Variants in USP51 observed in about 807,000 individuals in gnomAD.
USP51 encodes ubiquitin carboxyl-terminal hydrolase 51.
In USP51, 5 loss-of-function variants were observed where a neutral mutation model predicts 17.6. The observed-to-expected ratio is 0.28, with a 90% CI of 0.15 to 0.60. The LOEUF (loss-of-function observed/expected upper bound fraction) is 0.60. Among genes scored for constraint, USP51 ranks in the 20% least tolerant of loss-of-function variants. The pLI, the probability that USP51 is intolerant of heterozygous loss-of-function variation, is 0.88. For missense variants in USP51, 459 were observed against 559.5 expected, an observed-to-expected ratio of 0.82 and a Z score of 1.81; for synonymous variants, 248 against 216.1, an observed-to-expected ratio of 1.15 and a Z score of -1.29.
rs765719159 is a variant in USP51 at position 55,486,771 on chromosome X, T to C, written c.*33A>G. The C allele has an allele frequency of 2.6e-6, 3 of 1,155,412 alleles. No individual in the cohort carries two copies. In the South Asian group the frequency reaches 6.3e-5, roughly 24 times the overall value. ...TCACTTCAAAATCCTTGCCTAATCA[T>C]TTACTTTTTTTTCAGTAAGTGGTCT... On this transcript the variant is annotated 3_prime_UTR_variant, in exon 3 of 3. Coordinates refer to ENST00000500968, the MANE Select transcript of USP51 (RefSeq NM_201286.4).
At chrX:55,489,061 C>T in intron 2 of USP51, 73 bp from the exon 3 acceptor site, 2 of 959,666 alleles carry the variant, frequency 2.1e-6, no homozygotes, top group South Asian at 2.5e-5. Flanking sequence ...GCAGTTAGCG[C>T]CCCCAGGACC....
rs1294719242 is a variant in USP51, at chrX:55,486,331, T to A, written c.*473A>T. ...ATCTTAAAAATGATTTTTTCCTTTT[T>A]AAATGTTTTTCTTTTAAAGCTCTTT... On this transcript the variant is annotated 3_prime_UTR_variant, in exon 3 of 3. Coordinates refer to ENST00000500968, the MANE Select transcript of USP51 (RefSeq NM_201286.4). 1 of 112,999 alleles carries A rather than the reference T, an allele frequency of 8.8e-6. No homozygotes were observed. Among genetic ancestry groups the A allele is most frequent in the African/African-American group, 3.2e-5 (1 of 31,094 alleles). 9.3% of individuals were successfully genotyped at this position (112,999 alleles called of 1,213,427 possible).
Position 55,487,408 on chromosome X carries a change from C to T in USP51, c.1532G>A (p.Cys511Tyr), listed in dbSNP as rs1462647337. 2.5e-6 allele frequency: 3 copies of T among 1,210,209 alleles called. No homozygotes were observed. The highest frequency in any genetic ancestry group is 3.4e-6 in the Non-Finnish European group (3 of 895,365). The change falls in exon 3 of 3, where the codon TGC becomes TAC. Residue 511 changes from cysteine (C) to tyrosine (Y), a missense_variant. Physicochemically the swap from Cys to Tyr is radical, Grantham distance 194. This residue lies in a region of USP51 where 227 missense variants were observed against 365.5 expected (regional missense o/e 0.62). Transcript: ENST00000500968. Reference protein sequence around the residue: ...CHSVSTTIDPCWDISLDLPGS... With the variant: ...CHSVSTTIDPYWDISLDLPGS... ...AGGCAAGTCCAAACTGATGTCCCAG[C>T]ATGGGTCTATGGTGGTAGAAACACT...
Position 55,486,978 on chromosome X carries a change from C to T in USP51, c.1962G>A (p.Val654=). The part of the protein sequence containing the change: ...PNENKYSLFA[V]INHHGTLESG... Reference sequence around the variant, plus strand: ...TTTCCAAAGTTCCATGGTGATTAATCACTGCAAACAAGGAATACTTATTCT... The same window carrying T: ...TTTCCAAAGTTCCATGGTGATTAATTACTGCAAACAAGGAATACTTATTCT... The change falls in exon 3 of 3, where the codon GTG becomes GTA. Residue 654 remains valine (V), a synonymous_variant. Transcript: ENST00000500968. 8.3e-7 allele frequency: 1 copy of T among 1,211,668 alleles called. No individual in the cohort carries two copies. The highest frequency in any genetic ancestry group is 1.1e-6 in the Non-Finnish European group (1 of 895,537).
chrX:55,488,331 T>C lies in USP51; in HGVS notation c.609A>G (p.Val203=). 1 of 1,211,943 alleles carries C rather than the reference T, an allele frequency of 8.3e-7. No individual in the cohort carries two copies. Among genetic ancestry groups the C allele is most frequent in the Non-Finnish European group, 1.1e-6 (1 of 895,443 alleles). ...TGCSHVESFK[V]GKNWQKNLRL... is the part of the protein sequence containing the mutation. ...TCAGGTTCTTCTGCCAGTTCTTACC[T>C]ACTTTAAAGCTCTCCACATGAGAGC... is the stretch of plus-strand genomic sequence containing the variant. Residue 203 remains valine (V), a synonymous_variant, in exon 3 of 3, where the codon GTA becomes GTG. Transcript: ENST00000500968.
Position 55,488,396 on chromosome X carries a change from A to G in USP51, c.544T>C (p.Trp182Arg). ...GSGDPGGLGD[W>R]LLEVEFGQGP... ...TGACCAAACTCGACCTCCAGCAACC[A>G]GTCCCCTAAGCCGCCAGGATCCCCC... The change falls in exon 3 of 3, where the codon TGG becomes CGG. Residue 182 changes from tryptophan (W) to arginine (R), a missense_variant. Trp to Arg is a moderately radical substitution (Grantham distance 101). Coordinates refer to ENST00000500968, the MANE Select transcript of USP51 (RefSeq NM_201286.4). 4 of 1,211,483 alleles carry G rather than the reference A, an allele frequency of 3.3e-6. No homozygotes were observed. Among genetic ancestry groups the G allele is most frequent in the Non-Finnish European group, 3.4e-6 (3 of 895,224 alleles).
Position 55,487,147 on chromosome X carries a change from C to T in USP51, c.1793G>A (p.Arg598Gln), listed in dbSNP as rs1170212019. ...CCTCTGTTTGCCTACATGCTCAAAC[C>T]GCTTGAGATGAAAACAAGCCACAAT... The part of the protein sequence containing the change: ...LPIVACFHLK[R>Q]FEHVGKQRRK... The change falls in exon 3 of 3, where the codon CGG becomes CAG. Residue 598 changes from arginine to glutamine, a missense_variant. By Grantham distance (43) the Arg-to-Gln change is conservative. This residue lies in a region of USP51 where 227 missense variants were observed against 365.5 expected (regional missense o/e 0.62). Coordinates refer to ENST00000500968, the MANE Select transcript of USP51 (RefSeq NM_201286.4). The T allele has an allele frequency of 8.3e-7, 1 of 1,211,666 alleles. No homozygotes were observed.
chrX:55,488,550 G>C lies in USP51; in HGVS notation c.390C>G (p.Pro130=). The C allele has an allele frequency of 9.9e-7, 1 of 1,013,942 alleles. No individual in the cohort carries two copies. Among genetic ancestry groups the C allele is most frequent in the Non-Finnish European group, 1.2e-6 (1 of 802,038 alleles). 83.6% of individuals were successfully genotyped at this position (1,013,942 alleles called of 1,213,427 possible). A position where few individuals can be genotyped will look rare whatever the true frequency, so the allele number is the denominator to read the frequency against. The change falls in exon 3 of 3, where the codon CCC becomes CCG. Residue 130 remains proline (P), a synonymous_variant. Transcript: ENST00000500968. ...LSAPPPPPAR[P]PPPPPPPPPP... Reference sequence around the variant, plus strand: ...GGGGCGGGGGTGGCGGCGGGGGCGGGGGCCGGGCTGGAGGCGGGGGTGGGG... The same window carrying C: ...GGGGCGGGGGTGGCGGCGGGGGCGGCGGCCGGGCTGGAGGCGGGGGTGGGG...
Position 55,488,538 on chromosome X carries a change from CGGCGGGGGCGGG to C in USP51, c.390_401del (p.Pro137_Pro140del). 3.0e-6 allele frequency: 2 copies of C among 674,094 alleles called. No homozygotes were observed. The highest frequency in any genetic ancestry group is 1.9e-6 in the Non-Finnish European group (1 of 526,643). The allele number at this position is 674,094 out of a possible 1,213,427, so 55.6% of individuals were successfully genotyped here. A position where few individuals can be genotyped will look rare whatever the true frequency, so the allele number is the denominator to read the frequency against. On this transcript the variant is annotated inframe_deletion, in exon 3 of 3. Transcript: ENST00000500968. ...GCGGTGCGGGTGGGGGCGGGGGTGG[CGGCGGGGGCGGG>C]GGCCGGGCTGGAGGCGGGGGTGGGG...
Position 55,486,473 on chromosome X carries a change from T to G in USP51, c.*331A>C. 2 of 173,202 alleles carry G rather than the reference T, an allele frequency of 1.2e-5. No individual in the cohort carries two copies. Among genetic ancestry groups the G allele is most frequent in the Non-Finnish European group, 2.2e-5 (2 of 92,186 alleles). 14.3% of individuals were successfully genotyped at this position (173,202 alleles called of 1,213,427 possible). A position where few individuals can be genotyped will look rare whatever the true frequency, so the allele number is the denominator to read the frequency against. Reference sequence around the variant, plus strand: ...GAATACTCCCTGACTTCACAAGATATTTCTGTAAAAACAAATGACATAGAG... The same window carrying G: ...GAATACTCCCTGACTTCACAAGATAGTTCTGTAAAAACAAATGACATAGAG... On this transcript the variant is annotated 3_prime_UTR_variant, in exon 3 of 3. Transcript: ENST00000500968.
Position 55,485,910 on chromosome X carries a change from T to A in USP51, c.*894A>T, listed in dbSNP as rs1163298650. On this transcript the variant is annotated 3_prime_UTR_variant, in exon 3 of 3. Transcript: ENST00000500968. ...TCTTTTAAAACTTTTCTCTAAAATC[T>A]GAATTGCATTCCATTCTGTATTTTT... The A allele has an allele frequency of 9.0e-6, 1 of 111,453 alleles. No homozygotes were observed. Among genetic ancestry groups the A allele is most frequent in the African/African-American group, 3.2e-5 (1 of 30,870 alleles). 9.2% of individuals were successfully genotyped at this position (111,453 alleles called of 1,213,427 possible).
chrX:55,488,001 A>G lies in USP51; in HGVS notation c.939T>C (p.Thr313=). Residue 313 remains threonine (T), a synonymous_variant, in exon 3 of 3, where the codon ACT becomes ACC. Transcript: ENST00000500968. ...GATGAGAAACATCTGTTGAGGTGGAAGTTAATAATCTCAAAATTTTTTCTT... is the reference window on the plus strand; with the variant it reads ...GATGAGAAACATCTGTTGAGGTGGAGGTTAATAATCTCAAAATTTTTTCTT... The part of the protein sequence containing the change: ...ETKEKILRLL[T]STSTDVSHQQ... 2 of 1,208,138 alleles carry G rather than the reference A, an allele frequency of 1.7e-6. No individual in the cohort carries two copies. Among genetic ancestry groups the G allele is most frequent in the Non-Finnish European group, 2.2e-6 (2 of 894,168 alleles).
rs2031381973 is a variant in USP51, at chrX:55,489,003, A to C, written c.-49-15T>G. The C allele has an allele frequency of 5.2e-6, 6 of 1,146,204 alleles. No homozygotes were observed. The highest frequency in any genetic ancestry group is 7.0e-6 in the Non-Finnish European group (6 of 857,067). The allele number at this position is 1,146,204 out of a possible 1,213,427, so 94.5% of individuals were successfully genotyped here. ...AACAGCTGCGACTGTAGATGAAAGG[A>C]GACAGAGACTTCTGTGAATGATCTG... On this transcript the variant is annotated splice_polypyrimidine_tract_variant and intron_variant, in intron 2 of 2. Transcript: ENST00000500968.
chrX:55,485,138 G>A lies in USP51; in HGVS notation c.*1666C>T, dbSNP rs1023850775. Reference sequence around the variant, plus strand: ...GAAGGTGGGAAGGCCTCAGATATGGGTCCCTGCCACTTCCTCAATCAGGCC... The same window carrying A: ...GAAGGTGGGAAGGCCTCAGATATGGATCCCTGCCACTTCCTCAATCAGGCC... On this transcript the variant is annotated 3_prime_UTR_variant, in exon 3 of 3. Transcript: ENST00000500968. 4.5e-5 allele frequency: 5 copies of A among 111,881 alleles called. No homozygotes were observed. Among genetic ancestry groups the A allele is most frequent in the African/African-American group, 1.6e-4 (5 of 30,779 alleles). 9.2% of individuals were successfully genotyped at this position (111,881 alleles called of 1,213,427 possible). A position where few individuals can be genotyped will look rare whatever the true frequency, so the allele number is the denominator to read the frequency against.
At position 55,487,628 on chromosome X, in the gene USP51, G is replaced by A. The variant is rs769364619; in HGVS notation, c.1312C>T (p.His438Tyr). 5 of 1,210,424 alleles carry A rather than the reference G, an allele frequency of 4.1e-6. No individual in the cohort carries two copies. Among genetic ancestry groups the A allele is most frequent in the East Asian group, 5.9e-5 (2 of 33,779 alleles). The change falls in exon 3 of 3, where the codon CAT becomes TAT. Residue 438 changes from histidine to tyrosine, a missense_variant. Physicochemically the swap from His to Tyr is moderately conservative, Grantham distance 83. This residue lies in a region of USP51 where 227 missense variants were observed against 365.5 expected (regional missense o/e 0.62). Coordinates refer to ENST00000500968, the MANE Select transcript of USP51 (RefSeq NM_201286.4). ...PYKLLHLIWI[H>Y]AEHLAGYRQQ... Reference sequence around the variant, plus strand: ...CTGTACCCTGCTAAATGTTCTGCATGGATCCATATCAGATGCAGTAACTTA... The same window carrying A: ...CTGTACCCTGCTAAATGTTCTGCATAGATCCATATCAGATGCAGTAACTTA...
intron 2 of USP51, 38 bp from the exon 3 acceptor site, chrX:55,489,026 C>T (rs2146648006): frequency 3.6e-6 from 4 of 1,119,509 alleles, no homozygotes; most frequent in Non-Finnish European, 4.8e-6. Flanking sequence ...TGTGAATGAT[C>T]TGCCCAGCGT....
chrX:55,485,054 T>C lies in USP51; in HGVS notation c.*1750A>G, dbSNP rs1009838850. On this transcript the variant is annotated 3_prime_UTR_variant, in exon 3 of 3. Coordinates refer to ENST00000500968, the MANE Select transcript of USP51 (RefSeq NM_201286.4). The stretch of plus-strand genomic sequence containing the variant: ...CAGAAGGACTGCAAGCACAAACCCA[T>C]TGCTCTACTGTGGAAATTAAAGGTC... 6.3e-5 allele frequency: 7 copies of C among 111,544 alleles called. No individual in the cohort carries two copies. Among genetic ancestry groups the C allele is most frequent in the African/African-American group, 2.0e-4 (6 of 30,624 alleles). 9.2% of individuals were successfully genotyped at this position (111,544 alleles called of 1,213,427 possible).
Position 55,485,665 on chromosome X carries a change from T to G in USP51, c.*1139A>C, listed in dbSNP as rs1240027184. ...TTTAATAATTTTTTCTACTTGAATC[T>G]TTCACATTTTTTCACTGGTCAATTT... On this transcript the variant is annotated 3_prime_UTR_variant, in exon 3 of 3. Transcript: ENST00000500968. 9.0e-6 allele frequency: 1 copy of G among 111,229 alleles called. No individual in the cohort carries two copies. Among genetic ancestry groups the G allele is most frequent in the African/African-American group, 3.2e-5 (1 of 30,780 alleles). The allele number at this position is 111,229 out of a possible 1,213,427, so 9.2% of individuals were successfully genotyped here. A position where few individuals can be genotyped will look rare whatever the true frequency, so the allele number is the denominator to read the frequency against.
Position 55,487,461 on chromosome X carries a change from T to A in USP51, c.1479A>T (p.Gln493His). ...IIDQIFTGGL[Q>H]SDVTCQACHS... ...GGCAGGCTTGACATGTGACATCTGA[T>A]TGCAGGCCACCTGTAAAGATTTGGT... Residue 493 changes from glutamine (Q) to histidine (H), a missense_variant, in exon 3 of 3, where the codon CAA becomes CAT. Physicochemically the swap from Gln to His is conservative, Grantham distance 24. Coordinates refer to ENST00000500968, the MANE Select transcript of USP51 (RefSeq NM_201286.4). 1 of 1,212,030 alleles carries A rather than the reference T, an allele frequency of 8.3e-7. No homozygotes were observed.
Sources: gnomAD v4.1 joint callset for allele counts on GRCh38, gnomAD v4.1.1 for gene constraint, gnomAD v4.1.1 regional missense constraint, MANE v1.5 for transcripts, NCBI Gene and HGNC (gene_info 2026-07-23, HGNC 2026-07-21) for gene names.